Variants in ASB5 observed in about 807,000 individuals in gnomAD.
The protein encoded by ASB5 is ankyrin repeat and SOCS box protein 5.
A neutral mutation model predicts 42.1 loss-of-function variants in ASB5; 45 were observed. The observed-to-expected ratio is 1.07, with a 90% CI of 0.84 to 1.37. The LOEUF (loss-of-function observed/expected upper bound fraction) is 1.37, where lower values mean the gene tolerates loss of function less well. Among genes scored for constraint, ASB5 ranks in the 40% most tolerant of loss-of-function variants. The pLI is 0.00. For synonymous variants in ASB5, 147 were observed against 150.6 expected (o/e 0.98, Z 0.18); for missense variants, 402 against 399.8 (o/e 1.01, Z -0.05).
chr4:176,228,434 C>T (rs1240490748), intron 1 of ASB5, among the ~76,000 whole-genome samples: 3 of 152,118 alleles, frequency 2.0e-5, no homozygotes, highest in African/African-American at 4.8e-5. Flanking sequence ...TACAGAATAA[C>T]GATAATTGAG....
chr4:176,229,342 T>C (rs1432311971), intron 1 of ASB5, among the ~76,000 whole-genome samples: 2 of 152,174 alleles, frequency 1.3e-5, no homozygotes, highest in South Asian at 2.1e-4. Context: ...TAGTATACCA[T>C]GATGACCTTT....
intron 1 of ASB5, among the ~76,000 whole-genome samples, chr4:176,232,254 C>T (rs1266871188): frequency 6.6e-6 from 1 of 151,764 alleles, no homozygotes; most frequent in Non-Finnish European, 1.5e-5. Flanking sequence ...ACCCAAGTAG[C>T]TAGGATTACA....
chr4:176,221,487 T>C lies in ASB5; in HGVS notation c.498A>G (p.Ser166=). ...CCTCATGCGTTGGGGATGGAAGACATGACTCCAGCTGGGCTTTGGCACCAT... is the reference window on the plus strand; with the variant it reads ...CCTCATGCGTTGGGGATGGAAGACACGACTCCAGCTGGGCTTTGGCACCAT... ...LEYGAKAQLE[S]CLPSPTHEAA... is the part of the protein sequence containing the mutation. The change falls in exon 4 of 7, where the codon TCA becomes TCG. Residue 166 remains serine, a synonymous_variant. Transcript: ENST00000296525. 1.2e-6 allele frequency: 2 copies of C among 1,614,138 alleles called. No individual in the cohort carries two copies. Among genetic ancestry groups the C allele is most frequent in the Non-Finnish European group, 1.7e-6 (2 of 1,180,018 alleles).
At chr4:176,228,503 A>C (rs1195002326) in intron 1 of ASB5, among the ~76,000 whole-genome samples, 1 of 152,212 alleles carries the variant, frequency 6.6e-6, no homozygotes, top group Non-Finnish European at 1.5e-5. Context: ...TTTCTCTCTC[A>C]ATAACAGATA....
chr4:176,250,121 G>A (rs1025577272), intron 1 of ASB5, among the ~76,000 whole-genome samples: 2 of 151,776 alleles, frequency 1.3e-5, no homozygotes, highest in African/African-American at 4.8e-5. Flanking sequence ...AATATCACCT[G>A]CAAGGCCACA....
intron 1 of ASB5, among the ~76,000 whole-genome samples, chr4:176,264,428 T>C (rs547988603): frequency 1.2e-4 from 18 of 152,220 alleles, no homozygotes; most frequent in Non-Finnish European, 2.4e-4. Flanking sequence ...ACTAAAACAG[T>C]CCTGAGGGCA....
rs1035753766 is a variant in ASB5 at position 176,216,835 on chromosome 4, A to T, written c.845T>A (p.Ile282Lys). Residue 282 changes from isoleucine to lysine, a missense_variant, in exon 6 of 7, where the codon ATA (isoleucine) becomes AAA (lysine). Ile to Lys is a moderately radical substitution (Grantham distance 102, BLOSUM62 -3). Transcript: ENST00000296525. ...VATSSSMVERILLQHEATPSS... is the reference protein window; with the variant it reads ...VATSSSMVERKLLQHEATPSS... Reference sequence around the variant, plus strand: ...TTTCTTACCTTCATGTTGAAGCAATATCCTTTCCACCATACTGCTAGACGT... The same window carrying T: ...TTTCTTACCTTCATGTTGAAGCAATTTCCTTTCCACCATACTGCTAGACGT... The T allele has an allele frequency of 6.3e-7, 1 of 1,592,966 alleles. No homozygotes were observed. The highest frequency in any genetic ancestry group is 1.8e-5 in the Admixed American group (1 of 54,346).
chr4:176,269,137 A>T lies in ASB5; in HGVS notation c.-29T>A. 6.3e-7 allele frequency: 1 copy of T among 1,592,124 alleles called. No homozygotes were observed. Among genetic ancestry groups the T allele is most frequent in the Non-Finnish European group, 8.6e-7 (1 of 1,167,108 alleles). On this transcript the variant is annotated 5_prime_UTR_variant, in exon 1 of 7. Transcript: ENST00000296525. The stretch of plus-strand genomic sequence containing the variant: ...TGCAGAAGAATCTGCGGCGGTCTTT[A>T]GTTGGATCCAAGTCTCAAATGTGCC...
In ASB5 at chr4:176,225,512, A is replaced by G. The variant is rs184479346; in HGVS notation, c.197-171T>C. Among the ~76,000 whole-genome samples, 61 of 152,312 alleles carry G rather than the reference A, an allele frequency of 4.0e-4. 1 individual carries two copies. The highest frequency in any genetic ancestry group is 1.4e-3 in the African/African-American group (60 of 41,566). On this transcript the variant is annotated intron_variant, in intron 1 of 6. Coordinates refer to ENST00000296525, the MANE Select transcript of ASB5 (RefSeq NM_080874.4). The stretch of plus-strand genomic sequence containing the variant: ...AGGAAATTTGACTCTTATTGCAGGA[A>G]CCAGATAGGCAGTTCCCAACATGAG...
Position 176,258,571 on chromosome 4 carries a change from C to T in ASB5, c.196+10342G>A, listed in dbSNP as rs188529976. The stretch of plus-strand genomic sequence containing the variant: ...TTTGACTGATCTACTTTTCTTGTAG[C>T]CCGTTAAAATTCAGTCTCTAGTCAA... On this transcript the variant is annotated intron_variant, in intron 1 of 6. Coordinates refer to ENST00000296525, the MANE Select transcript of ASB5 (RefSeq NM_080874.4). 7.4e-4 allele frequency among the ~76,000 whole-genome samples: 113 copies of T among 152,192 alleles called. 1 individual carries two copies. Among genetic ancestry groups the T allele is most frequent in the Non-Finnish European group, 1.5e-4 (10 of 68,000 alleles).
chr4:176,216,747 A>T, intron 6 of ASB5, 71 bp downstream of exon 6: 19 of 1,266,362 alleles, frequency 1.5e-5, no homozygotes, highest in Non-Finnish European at 2.1e-5. Flanking sequence ...GCCAACAAAA[A>T]CTCTCTCACT....
intron 1 of ASB5, among the ~76,000 whole-genome samples, chr4:176,247,161 G>A (rs549187353): frequency 7.2e-5 from 11 of 152,102 alleles, no homozygotes; most frequent in Admixed American, 5.2e-4. Context: ...CCCAGGAGAC[G>A]ATAATAAAAC....
chr4:176,224,615 C>T (rs1753323244), intron 2 of ASB5, among the ~76,000 whole-genome samples: 1 of 151,932 alleles, frequency 6.6e-6, no homozygotes, highest in Non-Finnish European at 1.5e-5. Flanking sequence ...TCAGGTGATC[C>T]ACCTGCCTCC....
chr4:176,246,375 C>T (rs533288051), intron 1 of ASB5, among the ~76,000 whole-genome samples: 1 of 152,240 alleles, frequency 6.6e-6, no homozygotes, highest in Admixed American at 6.5e-5. Flanking sequence ...TTCAGACCAC[C>T]TATCAGATAC....
At chr4:176,217,377 C>A (rs866381180) in intron 5 of ASB5, among the ~76,000 whole-genome samples, 1 of 152,136 alleles carries the variant, frequency 6.6e-6, no homozygotes, top group Admixed American at 6.6e-5. Flanking sequence ...TAAGTTCACT[C>A]ATTTTTATTT....
intron 1 of ASB5, among the ~76,000 whole-genome samples, chr4:176,233,591 T>A (rs1407349966): frequency 1.3e-5 from 2 of 152,208 alleles, no homozygotes; most frequent in African/African-American, 4.8e-5. Flanking sequence ...GGAAACTTTA[T>A]ATATTGAGTG....
intron 1 of ASB5, among the ~76,000 whole-genome samples, chr4:176,267,430 C>G (rs563253430): frequency 2.2e-4 from 34 of 152,164 alleles, no homozygotes; most frequent in Middle Eastern, 3.4e-3. Context: ...TTTGAGACCA[C>G]CTTAGGCGGA....
rs779136662 is a variant in ASB5 at position 176,222,394 on chromosome 4, T to C, written c.303A>G (p.Leu101=). ...SQGYNVNAVT[L]DHVTPLHEAC... is the part of the protein sequence containing the mutation. ...CTTCGTGCAATGGGGTGACATGGTC[T>C]AAGGTTACTGCATTTACATTATAAC... is the stretch of plus-strand genomic sequence containing the variant. The change falls in exon 3 of 7, where the codon TTA becomes TTG. Residue 101 remains leucine (L), a synonymous_variant. Coordinates refer to ENST00000296525, the MANE Select transcript of ASB5 (RefSeq NM_080874.4). 1 of 1,613,768 alleles carries C rather than the reference T, an allele frequency of 6.2e-7. No homozygotes were observed. Among genetic ancestry groups the C allele is most frequent in the South Asian group, 1.1e-5 (1 of 90,956 alleles).
intron 1 of ASB5, among the ~76,000 whole-genome samples, chr4:176,261,447 G>T (rs1413530112): frequency 6.6e-6 from 1 of 152,142 alleles, no homozygotes; most frequent in Non-Finnish European, 1.5e-5. Context: ...CGAAATGTGT[G>T]TTTATTTTTC....
Sources: gnomAD v4.1 joint callset for allele counts (sites outside exome capture counted in the v4.1 genomes callset) on GRCh38, gnomAD v4.1.1 for gene constraint, MANE v1.5 for transcripts, NCBI Gene and HGNC (gene_info 2026-07-23, HGNC 2026-07-21) for gene names.